The following ENTREP2 variants were observed in gnomAD, a reference collection of about 807,000 sequenced individuals.
ENTREP2 encodes protein ENTREP2.
the ENTREP2 span, among the ~76,000 whole-genome samples, chr15:29,503,971 C>G: frequency 3.3e-5 from 5 of 151,780 alleles, no homozygotes; most frequent in Non-Finnish European, 7.4e-5. Flanking sequence ...AAACTTGAAT[C>G]CTCCACTGGA....
chr15:29,634,021 T>C, the ENTREP2 span, among the ~76,000 whole-genome samples: 1 of 151,992 alleles, frequency 6.6e-6, no homozygotes, highest in African/African-American at 2.4e-5. Flanking sequence ...CTTACCTGGG[T>C]TCTGCCAGTG....
At chr15:29,255,759 T>TG in the ENTREP2 span, among the ~76,000 whole-genome samples, 1 of 151,860 alleles carries the variant, frequency 6.6e-6, no homozygotes. Flanking sequence ...CCCAGCACTT[T>TG]GGGGGGTCGA....
At chr15:29,234,206 C>A in the ENTREP2 span, 1 of 1,609,042 alleles carries the variant, frequency 6.2e-7, no homozygotes, top group East Asian at 2.2e-5. Context: ...ACCACGAAGG[C>A]TCAAACGCTT....
the ENTREP2 span, among the ~76,000 whole-genome samples, chr15:29,323,518 T>G: frequency 4.6e-5 from 7 of 152,060 alleles, no homozygotes; most frequent in African/African-American, 1.7e-4. Flanking sequence ...CAGTAAATGT[T>G]AAGTGTTTCC....
At chr15:29,599,719 G>A in the ENTREP2 span, among the ~76,000 whole-genome samples, 1 of 152,294 alleles carries the variant, frequency 6.6e-6, no homozygotes, top group Non-Finnish European at 1.5e-5. Context: ...AGGCACAGGG[G>A]CAGGCCATTT....
the ENTREP2 span, among the ~76,000 whole-genome samples, chr15:29,459,096 G>C: frequency 1.1e-4 from 16 of 152,222 alleles, no homozygotes; most frequent in South Asian, 8.3e-4. Flanking sequence ...CTCTTTCTCC[G>C]ACCCATCCAA....
the ENTREP2 span, among the ~76,000 whole-genome samples, chr15:29,393,815 A>G: frequency 6.6e-6 from 1 of 152,152 alleles, no homozygotes; most frequent in Admixed American, 6.5e-5. Flanking sequence ...TTCTTTATAA[A>G]TTCCAAAGTA....
At chr15:29,655,691 G>C in the ENTREP2 span, among the ~76,000 whole-genome samples, 1 of 152,026 alleles carries the variant, frequency 6.6e-6, no homozygotes, top group East Asian at 1.9e-4. Context: ...TAAAAACTAT[G>C]AGAAAGAATC....
At chr15:29,630,113 C>T in the ENTREP2 span, among the ~76,000 whole-genome samples, 5 of 152,014 alleles carry the variant, frequency 3.3e-5, no homozygotes, top group African/African-American at 1.2e-4. Context: ...GAGACCCTGT[C>T]TCAAAAATTA....
the ENTREP2 span, among the ~76,000 whole-genome samples, chr15:29,415,897 C>T: frequency 7.8e-4 from 118 of 152,200 alleles, no homozygotes; most frequent in East Asian, 3.1e-3. Context: ...CCATTCACAA[C>T]TGCTTCAAAG....
chr15:29,147,964 A>G, the ENTREP2 span, among the ~76,000 whole-genome samples: 1 of 152,246 alleles, frequency 6.6e-6, no homozygotes, highest in Non-Finnish European at 1.5e-5. Flanking sequence ...GAGCCGTAAA[A>G]AAGAATGAAA....
At chr15:29,382,578 C>T in the ENTREP2 span, among the ~76,000 whole-genome samples, 1 of 152,150 alleles carries the variant, frequency 6.6e-6, no homozygotes, top group Non-Finnish European at 1.5e-5. Flanking sequence ...AAGTCCTGCC[C>T]TTGACCTTGC....
At chr15:29,217,992 C>T in the ENTREP2 span, among the ~76,000 whole-genome samples, 5 of 152,024 alleles carry the variant, frequency 3.3e-5, no homozygotes, top group African/African-American at 1.2e-4. Context: ...TTCCTATGAG[C>T]GGAACTGCAG....
the ENTREP2 span, among the ~76,000 whole-genome samples, chr15:29,256,543 T>C: frequency 6.6e-6 from 1 of 152,102 alleles, no homozygotes; most frequent in Non-Finnish European, 1.5e-5. Context: ...TGACTGAAAA[T>C]AGTTTAACAT....
At chr15:29,479,147 C>T in the ENTREP2 span, among the ~76,000 whole-genome samples, 3 of 143,844 alleles carry the variant, frequency 2.1e-5, no homozygotes, top group African/African-American at 7.8e-5. Context: ...GTGGAGCTTG[C>T]AGTGAGCCAA....
chr15:29,445,094 A>G, the ENTREP2 span, among the ~76,000 whole-genome samples: 1 of 152,164 alleles, frequency 6.6e-6, no homozygotes, highest in South Asian at 2.1e-4. Flanking sequence ...CAAAATTCCT[A>G]TGTTGAAATC....
chr15:29,298,579 A>G, the ENTREP2 span, among the ~76,000 whole-genome samples: 1 of 152,214 alleles, frequency 6.6e-6, no homozygotes, highest in Non-Finnish European at 1.5e-5. Flanking sequence ...GATATTATCA[A>G]CAAATTTATA....
At chr15:29,257,136 C>T in the ENTREP2 span, among the ~76,000 whole-genome samples, 4 of 151,818 alleles carry the variant, frequency 2.6e-5, no homozygotes, top group South Asian at 2.1e-4. Flanking sequence ...TGCAATGCAG[C>T]GATCTCGACT....
At chr15:29,313,988 G>A in the ENTREP2 span, among the ~76,000 whole-genome samples, 3 of 152,152 alleles carry the variant, frequency 2.0e-5, no homozygotes, top group Non-Finnish European at 4.4e-5. Context: ...TTTCCGTGGA[G>A]GAAGTAATCA....
Sources: allele counts gnomAD v4.1 joint callset (sites outside exome capture counted in the v4.1 genomes callset), GRCh38; gene constraint gnomAD v4.1.1; transcripts MANE v1.5; gene names NCBI Gene and HGNC (gene_info 2026-07-23, HGNC 2026-07-21).